The following LMBR1L variants were observed in gnomAD, a reference collection of about 807,000 sequenced individuals.
LMBR1L encodes the protein protein LMBR1L.
LMBR1L carries 47 observed loss-of-function variants against 67.3 expected under a neutral mutation model. The ratio of observed to expected loss-of-function variants is 0.70; its 90% CI spans 0.55 to 0.89. The LOEUF (loss-of-function observed/expected upper bound fraction) is 0.89, where lower values mean the gene tolerates loss of function less well. Ranked by LOEUF, LMBR1L falls within the 40% of genes least tolerant of loss-of-function variation. The pLI is 0.00. For missense variants in LMBR1L, 533 were observed against 599.2 expected (o/e 0.89, Z 1.15); for synonymous variants, 247 against 250.3 (o/e 0.99, Z 0.13).
rs182644706 is a variant in LMBR1L, at chr12:49,106,311, G to A, written c.158-354C>T. ...TACATCAGTGGCTGGGTCCAGGAAAGGGAAAAGAGAGGAGGGGGAAGGGGA... is the reference window on the plus strand; with the variant it reads ...TACATCAGTGGCTGGGTCCAGGAAAAGGAAAAGAGAGGAGGGGGAAGGGGA... On this transcript the variant is annotated intron_variant, in intron 2 of 16. Transcript: ENST00000267102. 14 of 386,190 alleles carry A rather than the reference G, an allele frequency of 3.6e-5. No homozygotes were observed. The East Asian group carries it at 8.8e-4, about 24-fold the overall frequency. The allele number at this position is 386,190 out of a possible 1,614,324, so 23.9% of individuals were successfully genotyped here.
intron 16 of LMBR1L, 85 bp downstream of exon 16, chr12:49,097,859 C>T: frequency 1.9e-6 from 3 of 1,589,096 alleles, no homozygotes; most frequent in Non-Finnish European, 2.6e-6. Flanking sequence ...GAAGCACACC[C>T]TCTCCCCTGC....
intron 4 of LMBR1L, 41 bp from the exon 5 acceptor site, chr12:49,104,592 A>C: frequency 6.4e-7 from 1 of 1,573,122 alleles, no homozygotes; most frequent in Non-Finnish European, 8.7e-7. Context: ...CAGTAAGGGG[A>C]GGGGCAACCC....
chr12:49,105,843 C>A, intron 3 of LMBR1L, 81 bp downstream of exon 3: 1 of 1,183,410 alleles, frequency 8.5e-7, no homozygotes, highest in Non-Finnish European at 1.2e-6. Flanking sequence ...AGACTTCCCC[C>A]TTCTCCCTCC....
rs780473852 is a variant in LMBR1L, at chr12:49,103,817, C to T, written c.436-4G>A. On this transcript the variant is annotated splice_polypyrimidine_tract_variant and splice_region_variant and intron_variant, in intron 5 of 16. Transcript: ENST00000267102. ...CATAGACCCGGCCCAGGACACCCTA[C>T]GGGAGGAGGCAACCAGTGAAGAAGG... 31 of 1,605,952 alleles carry T rather than the reference C, an allele frequency of 1.9e-5. No homozygotes were observed. The highest frequency in any genetic ancestry group is 1.7e-4 in the Middle Eastern group (1 of 6,034).
chr12:49,104,674 C>T, intron 4 of LMBR1L, 72 bp downstream of exon 4: 1 of 1,600,086 alleles, frequency 6.2e-7, no homozygotes, highest in Non-Finnish European at 8.5e-7. Flanking sequence ...CGCACGGCTG[C>T]CTGAGTCCAC....
rs749493280 is a variant in LMBR1L, at chr12:49,097,728, G to C, written c.1414C>G (p.Leu472Val). ...ELIRAFGLDR[L>V]PLPVSGFPQA... The stretch of plus-strand genomic sequence containing the variant: ...GGGAAACCGGAGACGGGCAGCGGCA[G>C]TCTGTCCAGCCCTGGAGAAGAGGAG... Residue 472 changes from leucine to valine, a missense_variant, in exon 17 of 17, where the codon CTG becomes GTG. This residue lies in a region of LMBR1L where 223 missense variants were observed against 241.2 expected (regional missense o/e 0.92). Coordinates refer to ENST00000267102, the MANE Select transcript of LMBR1L (RefSeq NM_018113.4). 1.2e-5 allele frequency: 19 copies of C among 1,613,898 alleles called. No homozygotes were observed. The highest frequency in any genetic ancestry group is 1.6e-5 in the Non-Finnish European group (19 of 1,179,988).
intron 15 of LMBR1L, among the ~76,000 whole-genome samples, chr12:49,098,359 C>T (rs1189920921): frequency 6.6e-6 from 1 of 152,152 alleles, no homozygotes; most frequent in Non-Finnish European, 1.5e-5. Context: ...CTCCTGGTGT[C>T]CCCAGGAACT....
At chr12:49,105,998 CA>C (rs1212444752) in intron 2 of LMBR1L, 41 bp from the exon 3 acceptor site, 19 of 1,586,332 alleles carry the variant, frequency 1.2e-5, no homozygotes, top group African/African-American at 9.5e-5. Flanking sequence ...AGGAGGACAT[CA>C]GGGGGCAGCT....
At chr12:49,107,622 C>T (rs959701241) in intron 1 of LMBR1L, among the ~76,000 whole-genome samples, 2 of 152,192 alleles carry the variant, frequency 1.3e-5, no homozygotes, top group Non-Finnish European at 2.9e-5. Flanking sequence ...CTGCTCTGGG[C>T]CAAACCAGAG....
In LMBR1L at chr12:49,105,958, C is replaced by T; in HGVS notation, c.158-1G>A. On this transcript the variant is annotated splice_acceptor_variant, in intron 2 of 16. Coordinates refer to ENST00000267102, the MANE Select transcript of LMBR1L (RefSeq NM_018113.4). LOFTEE classifies it high-confidence loss of function. ...TTGACGGTGGCATCTTCATCATCCA[C>T]TGTAAGAGACAGAGGCACGGGGAAC... 2 of 1,613,026 alleles carry T rather than the reference C, an allele frequency of 1.2e-6. No individual in the cohort carries two copies. The highest frequency in any genetic ancestry group is 1.7e-6 in the Non-Finnish European group (2 of 1,179,602).
rs543727874 is a variant in LMBR1L, at chr12:49,101,794, T to C, written c.931-245A>G. ...GAATAGGAAAAGGCATCTCTCTTCCTTCAACTGATGAGATCTATAACTGAG... is the reference window on the plus strand; with the variant it reads ...GAATAGGAAAAGGCATCTCTCTTCCCTCAACTGATGAGATCTATAACTGAG... On this transcript the variant is annotated intron_variant, in intron 11 of 16. Transcript: ENST00000267102. 6.9e-6 allele frequency: 4 copies of C among 581,148 alleles called. No individual in the cohort carries two copies. In the East Asian group the frequency reaches 1.1e-4, roughly 17 times the overall value. 36.0% of individuals were successfully genotyped at this position (581,148 alleles called of 1,614,324 possible).
rs755357998 is a variant in LMBR1L, at chr12:49,101,474, G to C, written c.1006C>G (p.Gln336Glu). ...ATGGTGGGAGGGCAGCCTGGTACCT[G>C]CATGCCTCGGGGCATGGCAGCCTCA... Reference protein sequence around the residue: ...IDEAAMPRGMQGTSLGQVSFS... With the variant: ...IDEAAMPRGMEGTSLGQVSFS... The change falls in exon 12 of 17, where the codon CAG becomes GAG. Residue 336 changes from glutamine (Q) to glutamate (E), a missense_variant and splice_region_variant. This residue lies in a region of LMBR1L where 223 missense variants were observed against 241.2 expected (regional missense o/e 0.92). Coordinates refer to ENST00000267102, the MANE Select transcript of LMBR1L (RefSeq NM_018113.4). 25 of 1,613,616 alleles carry C rather than the reference G, an allele frequency of 1.5e-5. No homozygotes were observed. Among genetic ancestry groups the C allele is most frequent in the South Asian group, 6.6e-5 (6 of 91,060 alleles).
At chr12:49,097,918 T>G (rs779264177) in intron 16 of LMBR1L, 26 bp downstream of exon 16, 48 of 1,601,570 alleles carry the variant, frequency 3.0e-5, no homozygotes, top group African/African-American at 4.0e-5. Context: ...CACCCCCCAC[T>G]AGCCTGCACC....
intron 8 of LMBR1L, 60 bp from the exon 9 acceptor site, chr12:49,102,600 G>C (rs1940346386): frequency 6.5e-7 from 1 of 1,537,920 alleles, no homozygotes; most frequent in Non-Finnish European, 9.0e-7. Context: ...AAAGGCCCCA[G>C]GAGAACCCTG....
intron 1 of LMBR1L, chr12:49,109,888 G>A (rs938692218): frequency 2.5e-6 from 1 of 403,706 alleles, no homozygotes; most frequent in African/African-American, 2.1e-5. Flanking sequence ...CAGCCTTGCA[G>A]GGTTTCAAAC....
At chr12:49,106,879 C>T (rs1286599003) in intron 2 of LMBR1L, 82 bp downstream of exon 2, 3 of 1,141,546 alleles carry the variant, frequency 2.6e-6, no homozygotes, top group Non-Finnish European at 4.0e-6. Flanking sequence ...TGCTCCTTTC[C>T]CAGTGGGTAC....
chr12:49,110,570 G>T lies in LMBR1L; in HGVS notation c.-15C>A, dbSNP rs1388736430. On this transcript the variant is annotated 5_prime_UTR_variant, in exon 1 of 17. Coordinates refer to ENST00000267102, the MANE Select transcript of LMBR1L (RefSeq NM_018113.4). ...GGTGCTTCCATACTCTGCTCAGCATGACTGAAGCCGAGGTGCCTCTGGGCC... is the reference window on the plus strand; with the variant it reads ...GGTGCTTCCATACTCTGCTCAGCATTACTGAAGCCGAGGTGCCTCTGGGCC... 1 of 1,612,812 alleles carries T rather than the reference G, an allele frequency of 6.2e-7. No homozygotes were observed. The highest frequency in any genetic ancestry group is 1.7e-5 in the Admixed American group (1 of 60,008).
At position 49,110,497 on chromosome 12, in the gene LMBR1L, A is replaced by G; in HGVS notation, c.59T>C (p.Ile20Thr). 3.1e-6 allele frequency: 5 copies of G among 1,613,930 alleles called. No homozygotes were observed. Among genetic ancestry groups the G allele is most frequent in the Non-Finnish European group, 4.2e-6 (5 of 1,179,954 alleles). ...CCCCGCACTCACAATACACTCGCGG[A>G]TCCTCTCGTGGAATAGCTGTTCTCG... is the stretch of plus-strand genomic sequence containing the variant. ...SVREQLFHER[I>T]RECIISTLLF... The change falls in exon 1 of 17, where the codon ATC (isoleucine) becomes ACC (threonine). Residue 20 changes from isoleucine to threonine, a missense_variant. By Grantham distance (89) the Ile-to-Thr change is moderately conservative. Around this residue, in one of 3 missense-constraint regions of LMBR1L, gnomAD observed 246 missense variants for 249.0 expected, o/e 0.99. Transcript: ENST00000267102.
rs762670877 is a variant in LMBR1L at position 49,103,167 on chromosome 12, T to C, written c.563-8A>G. The C allele has an allele frequency of 1.9e-6, 3 of 1,610,732 alleles. No homozygotes were observed. Among genetic ancestry groups the C allele is most frequent in the South Asian group, 1.1e-5 (1 of 90,978 alleles). On this transcript the variant is annotated splice_region_variant and splice_polypyrimidine_tract_variant and intron_variant, in intron 6 of 16. Transcript: ENST00000267102. ...GATAGTACTCCCAAAAGTCTAAGGA[T>C]AAAAAAAAGAGGCATGTCAGCTCAT... is the stretch of plus-strand genomic sequence containing the variant.
Sources: allele counts gnomAD v4.1 joint callset (sites outside exome capture counted in the v4.1 genomes callset), GRCh38; gene constraint gnomAD v4.1.1; regional missense constraint gnomAD v4.1.1; transcripts MANE v1.5; gene names NCBI Gene and HGNC (gene_info 2026-07-23, HGNC 2026-07-21).